The following HMCN1 variants were observed in gnomAD, a reference collection of about 807,000 sequenced individuals.
The protein encoded by HMCN1 is hemicentin-1.
Under a neutral mutation model 625.9 loss-of-function variants are expected in HMCN1, and 321 were observed. The ratio of observed to expected loss-of-function variants is 0.51; its 90% confidence interval spans 0.47 to 0.56. HMCN1 has a LOEUF of 0.56. HMCN1 is among the 20% of genes least tolerant of loss of function. HMCN1 has a pLI of 0.00. For missense variants in HMCN1, 6,588 were observed against 6,887.3 expected (o/e 0.96, Z 1.54); for synonymous variants, 2,425 against 2,417.6 (o/e 1.00, Z -0.09).
chr1:185,958,431 T>C (rs2102549233), intron 11 of HMCN1, among the ~76,000 whole-genome samples: 1 of 152,324 alleles, frequency 6.6e-6, no homozygotes, highest in South Asian at 2.1e-4. Flanking sequence ...AAATAGGATA[T>C]ATAATCTAAA....
rs1261183979 is a variant in HMCN1, at chr1:186,095,491, G to A, written c.10543G>A (p.Val3515Ile). Residue 3515 changes from valine to isoleucine, a missense_variant, in exon 68 of 107, where the codon GTC (valine) becomes ATC (isoleucine). Around this residue, in one of 3 missense-constraint regions of HMCN1, gnomAD observed 4,628 missense variants for 4,853.1 expected, o/e 0.95. Transcript: ENST00000271588. ...CATTGCCTCAAATGAAGCTGGAGAAGTCAGCAAGCACTTTATCCTCAAGGT... is the reference window on the plus strand; with the variant it reads ...CATTGCCTCAAATGAAGCTGGAGAAATCAGCAAGCACTTTATCCTCAAGGT... Reference protein sequence around the residue: ...TCIASNEAGEVSKHFILKVLE... With the variant: ...TCIASNEAGEISKHFILKVLE... 2 of 1,613,642 alleles carry A rather than the reference G, an allele frequency of 1.2e-6. No homozygotes were observed. Among genetic ancestry groups the A allele is most frequent in the Admixed American group, 3.3e-5 (2 of 59,930 alleles).
At chr1:185,963,411 A>G (rs997921084) in intron 12 of HMCN1, among the ~76,000 whole-genome samples, 3 of 152,216 alleles carry the variant, frequency 2.0e-5, no homozygotes, top group Admixed American at 6.5e-5. Context: ...CGGGGTGCAA[A>G]TTCCAGTTCT....
chr1:186,125,562 G>C lies in HMCN1; in HGVS notation c.12500-42G>C, dbSNP rs775952930. The C allele has an allele frequency of 1.2e-5, 17 of 1,460,446 alleles. No homozygotes were observed. The South Asian group carries it at 1.9e-4, about 17-fold the overall frequency. 90.5% of individuals were successfully genotyped at this position (1,460,446 alleles called of 1,614,324 possible). On this transcript the variant is annotated intron_variant, in intron 81 of 106. Coordinates refer to ENST00000271588, the MANE Select transcript of HMCN1 (RefSeq NM_031935.3). ...TTTTATTGTGAATAAAGACATTATT[G>C]AACTCAGCTTCCTGGATGACTCTTT...
chr1:185,812,582 T>G (rs758468241), intron 1 of HMCN1, among the ~76,000 whole-genome samples: 3 of 152,164 alleles, frequency 2.0e-5, no homozygotes, highest in African/African-American at 7.2e-5. Context: ...AAAGCCCACC[T>G]CTTATGAGGT....
chr1:185,740,116 TC>T (rs1248185103), intron 1 of HMCN1, among the ~76,000 whole-genome samples: 1 of 152,194 alleles, frequency 6.6e-6, no homozygotes, highest in Non-Finnish European at 1.5e-5. Context: ...TTGAGTCATT[TC>T]AGGAAAGGGC....
At chr1:185,969,666 T>C (rs902781513) in intron 14 of HMCN1, among the ~76,000 whole-genome samples, 1 of 152,130 alleles carries the variant, frequency 6.6e-6, no homozygotes, top group Non-Finnish European at 1.5e-5. Flanking sequence ...GTTTTTAAAA[T>C]CCTGACATGT....
Position 186,166,828 on chromosome 1 carries a change from G to C in HMCN1, c.15460G>C (p.Gly5154Arg), listed in dbSNP as rs777284205. The C allele has an allele frequency of 6.2e-7, 1 of 1,614,058 alleles. No individual in the cohort carries two copies. The highest frequency in any genetic ancestry group is 8.5e-7 in the Non-Finnish European group (1 of 1,179,990). Residue 5154 changes from glycine to arginine, a missense_variant, in exon 100 of 107, where the codon GGT (glycine) becomes CGT (arginine). By Grantham distance (125) the Gly-to-Arg change is moderately radical (BLOSUM62 -2). Coordinates refer to ENST00000271588, the MANE Select transcript of HMCN1 (RefSeq NM_031935.3). ...TCQDIDECAL[G>R]RHTCHAGQDC... ...TGCAGATATTGATGAGTGTGCTTTG[G>C]GTAGGCATACCTGCCACGCTGGTCA...
intron 46 of HMCN1, among the ~76,000 whole-genome samples, chr1:186,058,116 G>T (rs1349580935): frequency 3.3e-5 from 5 of 151,900 alleles, no homozygotes; most frequent in African/African-American, 1.2e-4. Flanking sequence ...GGAGCTTTTG[G>T]GTTAAAGCTA....
chr1:186,065,114 G>A, intron 48 of HMCN1, 124 bp from the exon 49 acceptor site: 1 of 675,370 alleles, frequency 1.5e-6, no homozygotes, highest in Middle Eastern at 3.9e-4. Context: ...TTAAATGAAT[G>A]ATTACTGCCG....
chr1:186,084,002 G>T (rs950497025), intron 57 of HMCN1, among the ~76,000 whole-genome samples: 3 of 152,160 alleles, frequency 2.0e-5, no homozygotes, highest in Non-Finnish European at 2.9e-5. Context: ...TCTGTAAAGT[G>T]CAGTAAATAT....
intron 11 of HMCN1, among the ~76,000 whole-genome samples, chr1:185,951,252 G>C (rs2102532530): frequency 6.6e-6 from 1 of 151,128 alleles, no homozygotes; most frequent in East Asian, 1.9e-4. Flanking sequence ...AGATAATTTA[G>C]TTAAGGTGTC....
intron 4 of HMCN1, among the ~76,000 whole-genome samples, chr1:185,900,973 T>A (rs933142903): frequency 1.3e-5 from 2 of 151,928 alleles, no homozygotes; most frequent in Non-Finnish European, 2.9e-5. Context: ...TGAAGGTAAA[T>A]GTTGGTAGTT....
chr1:185,833,069 G>C (rs889777470), intron 1 of HMCN1, among the ~76,000 whole-genome samples: 1 of 152,030 alleles, frequency 6.6e-6, no homozygotes, highest in African/African-American at 2.4e-5. Flanking sequence ...ATTTCAACTT[G>C]TTATTTTGTC....
intron 1 of HMCN1, among the ~76,000 whole-genome samples, chr1:185,779,077 T>C (rs1235692743): frequency 6.6e-6 from 1 of 152,242 alleles, no homozygotes; most frequent in African/African-American, 2.4e-5. Context: ...GGTTTTGATT[T>C]GCATTTCTCT....
intron 2 of HMCN1, among the ~76,000 whole-genome samples, chr1:185,856,065 A>AT (rs1662444903): frequency 6.6e-6 from 1 of 152,178 alleles, no homozygotes; most frequent in Non-Finnish European, 1.5e-5. Flanking sequence ...AATTTGTTTT[A>AT]TATTTGCTTC....
chr1:185,807,032 G>A (rs1373461251), intron 1 of HMCN1, among the ~76,000 whole-genome samples: 15 of 151,836 alleles, frequency 9.9e-5, no homozygotes, highest in Admixed American at 9.2e-4. Flanking sequence ...CAAGAATTTG[G>A]GATTATAGTA....
rs547407445 is a variant in HMCN1 at position 185,886,924 on chromosome 1, C to T, written c.621+21061C>T. Among the ~76,000 whole-genome samples, 4 of 152,200 alleles carry T rather than the reference C, an allele frequency of 2.6e-5. 1 individual carries two copies. The South Asian group carries it at 8.3e-4, about 32-fold the overall frequency. On this transcript the variant is annotated intron_variant, in intron 4 of 106. Transcript: ENST00000271588. ...CTTCTAAAATCTGGCCTCACCTTGC[C>T]ATCCAAATGTATCTCCAGGTATTTC... is the stretch of plus-strand genomic sequence containing the variant.
intron 93 of HMCN1, 100 bp downstream of exon 93, chr1:186,146,023 G>T: frequency 4.4e-6 from 5 of 1,145,708 alleles, no homozygotes; most frequent in South Asian, 1.4e-5. Flanking sequence ...CTGAGAGGTG[G>T]AATTAGAAAA....
intron 1 of HMCN1, among the ~76,000 whole-genome samples, chr1:185,841,797 A>T (rs1290293420): frequency 6.6e-6 from 1 of 152,144 alleles, no homozygotes; most frequent in East Asian, 1.9e-4. Flanking sequence ...CTATATAATT[A>T]TGTCTATCCT....
Sources: gnomAD v4.1 joint callset for allele counts (sites outside exome capture counted in the v4.1 genomes callset) on GRCh38, gnomAD v4.1.1 for gene constraint, gnomAD v4.1.1 regional missense constraint, MANE v1.5 for transcripts, NCBI Gene and HGNC (gene_info 2026-07-23, HGNC 2026-07-21) for gene names.